The following HLA-DPA1 variants were observed in gnomAD, a reference collection of about 807,000 sequenced individuals.
The protein encoded by HLA-DPA1 is HLA class II histocompatibility antigen, DP alpha 1 chain.
Under a neutral mutation model 21.5 loss-of-function variants are expected in HLA-DPA1, and 20 were observed. The ratio of observed to expected loss-of-function variants is 0.93; its 90% CI spans 0.66 to 1.35. HLA-DPA1 has a LOEUF of 1.35. HLA-DPA1 is among the 40% of genes most tolerant of loss of function. The probability of loss-of-function intolerance (pLI) is 0.00; values close to 1 mark genes in which losing one functional copy is unlikely to be tolerated. For synonymous variants in HLA-DPA1, 123 were observed against 129.6 expected (o/e 0.95, Z 0.35); for missense variants, 279 against 323.0 (o/e 0.86, Z 1.05).
intron 1 of HLA-DPA1, among the ~76,000 whole-genome samples, chr6:33,076,781 T>C (rs569594050): frequency 1.3e-5 from 2 of 152,116 alleles, no homozygotes; most frequent in Admixed American, 6.5e-5. Context: ...ATGACAGGGA[T>C]TGAGTGTAGG....
At chr6:33,067,672 T>A (rs768155010) in intron 5 of HLA-DPA1, 1 of 152,226 alleles carries the variant, frequency 6.6e-6, no homozygotes, top group Non-Finnish European at 1.5e-5. Context: ...CAAAATTAGA[T>A]CTATAATTTA....
Position 33,073,576 on chromosome 6 carries a change from G to C in HLA-DPA1, c.-6C>G, listed in dbSNP as rs142724682. On this transcript the variant is annotated 5_prime_UTR_variant, in exon 2 of 6. Coordinates refer to ENST00000419277, the Ensembl canonical transcript of HLA-DPA1. ...ATTCTGTCTTCAGGGCGCATGTTGT[G>C]GGGTCTATAATTGATGACTGTGAGC... 1.9e-6 allele frequency: 3 copies of C among 1,605,602 alleles called. No homozygotes were observed. The East Asian group carries it at 6.7e-5, about 36-fold the overall frequency.
chr6:33,064,776 A>T (rs1761873865), exon 6 of HLA-DPA1: 1 of 152,246 alleles, frequency 6.6e-6, no homozygotes, highest in Admixed American at 6.5e-5. Flanking sequence ...AACTACATCC[A>T]AGAAAATCTT....
chr6:33,067,586 C>T (rs67225060), intron 5 of HLA-DPA1: 1 of 151,786 alleles, frequency 6.6e-6, no homozygotes, highest in African/African-American at 2.4e-5. Context: ...TCCTTTATAG[C>T]AATGCAAAAT....
chr6:33,070,065 G>T (rs997668795), intron 2 of HLA-DPA1, among the ~76,000 whole-genome samples, 179 bp from the exon 2 acceptor site: 26 of 152,182 alleles, frequency 1.7e-4, no homozygotes, highest in African/African-American at 6.3e-4. Flanking sequence ...CAGAGCAGAT[G>T]AGCAGTTATA....
Position 33,080,621 on chromosome 6 carries a change from G to A in HLA-DPA1, c.-100+59C>T. 1 of 1,609,026 alleles carries A rather than the reference G, an allele frequency of 6.2e-7. No homozygotes were observed. Among genetic ancestry groups the A allele is most frequent in the Non-Finnish European group, 8.5e-7 (1 of 1,176,462 alleles). ...TAATATTGAGAGAGAGAGGGAGAAAGAGGATTAGATGAGAGTGGCGCCTCC... is the reference window on the plus strand; with the variant it reads ...TAATATTGAGAGAGAGAGGGAGAAAAAGGATTAGATGAGAGTGGCGCCTCC... On this transcript the variant is annotated intron_variant, in intron 1 of 5. Transcript: ENST00000419277. This position sits in a 1 kb window ranked among gnomAD's most constrained non-coding sequence, Gnocchi z 4.3.
At chr6:33,067,238 T>C (rs952424889) in intron 5 of HLA-DPA1, 3 of 152,192 alleles carry the variant, frequency 2.0e-5, no homozygotes, top group African/African-American at 4.8e-5. Flanking sequence ...ATGTTGAAAA[T>C]TGATCCCCAG....
chr6:33,079,279 C>T (rs923932890), intron 1 of HLA-DPA1, among the ~76,000 whole-genome samples: 1 of 152,230 alleles, frequency 6.6e-6, no homozygotes, highest in Non-Finnish European at 1.5e-5. Context: ...AAACATGTGC[C>T]GTGTCACTGA....
At chr6:33,074,626 T>A (rs147895448) in intron 1 of HLA-DPA1, among the ~76,000 whole-genome samples, 32 of 152,360 alleles carry the variant, frequency 2.1e-4, no homozygotes, top group African/African-American at 6.5e-4. Flanking sequence ...GTGGTAGCCT[T>A]ACCTTGCATA....
chr6:33,080,563 C>T lies in HLA-DPA1; in HGVS notation c.-100+117G>A, dbSNP rs17214685. ...CTAGGAAAACTCCTATTTTAAAATC[C>T]AGCCCTGGGTGGGAAGATTTGGGAA... On this transcript the variant is annotated intron_variant, in intron 1 of 5. Transcript: ENST00000419277. The surrounding 1 kb of genome is among the most constrained non-coding windows in gnomAD (Gnocchi z 4.3). 9.9e-3 allele frequency: 15,110 copies of T among 1,524,924 alleles called. 203 individuals are homozygous for T. The highest frequency in any genetic ancestry group is 0.064 in the African/African-American group (4,607 of 72,258). The allele number at this position is 1,524,924 out of a possible 1,614,324, so 94.5% of individuals were successfully genotyped here. A position where few individuals can be genotyped will look rare whatever the true frequency, so the allele number is the denominator to read the frequency against.
chr6:33,065,990 T>C (rs1361202940), intron 5 of HLA-DPA1: 1 of 152,202 alleles, frequency 6.6e-6, no homozygotes, highest in African/African-American at 2.4e-5. Flanking sequence ...AAAATATGAT[T>C]TATTACTGAG....
At chr6:33,075,949 A>G in intron 1 of HLA-DPA1, 1 of 911,500 alleles carries the variant, frequency 1.1e-6, no homozygotes, top group East Asian at 2.6e-5. Flanking sequence ...ACTTGGGTTC[A>G]TGGTCTCTAA....
At chr6:33,079,991 A>G in intron 1 of HLA-DPA1, 1 of 224,072 alleles carries the variant, frequency 4.5e-6, no homozygotes, top group Non-Finnish European at 9.0e-6. Context: ...TTCATTGTGT[A>G]AAATACTTTC....
chr6:33,078,947 G>A (rs1398518139), intron 1 of HLA-DPA1, among the ~76,000 whole-genome samples: 3 of 152,142 alleles, frequency 2.0e-5, no homozygotes, highest in African/African-American at 4.8e-5. Flanking sequence ...GAGCTGGGGG[G>A]CTCTGGGCCT....
intron 2 of HLA-DPA1, among the ~76,000 whole-genome samples, chr6:33,070,696 T>C (rs1762233204): frequency 6.6e-6 from 1 of 152,220 alleles, no homozygotes; most frequent in South Asian, 2.1e-4. Context: ...TTGTTTCCTT[T>C]TTAAAAATAT....
At position 33,080,170 on chromosome 6, in the gene HLA-DPA1, G is replaced by C. The variant is rs1017012630; in HGVS notation, c.-100+510C>G. On this transcript the variant is annotated intron_variant, in intron 1 of 5. Transcript: ENST00000419277. This position sits in a 1 kb window ranked among gnomAD's most constrained non-coding sequence, Gnocchi z 4.3. Reference sequence around the variant, plus strand: ...GAGGAATTCTCAAGAAACTGGTCGAGAAGAGAGAGCGCTTAGCTATGGAAA... The same window carrying C: ...GAGGAATTCTCAAGAAACTGGTCGACAAGAGAGAGCGCTTAGCTATGGAAA... 1.3e-5 allele frequency among the ~76,000 whole-genome samples: 2 copies of C among 152,186 alleles called. No homozygotes were observed. The highest frequency in any genetic ancestry group is 1.3e-4 in the Admixed American group (2 of 15,286).
At chr6:33,075,827 T>G (rs1762508059) in intron 1 of HLA-DPA1, 2 of 557,244 alleles carry the variant, frequency 3.6e-6, no homozygotes, top group African/African-American at 1.9e-5. Context: ...AGGCTTTATA[T>G]TTTCAGACCT....
chr6:33,077,549 G>A (rs1762607262), intron 1 of HLA-DPA1, among the ~76,000 whole-genome samples: 1 of 152,136 alleles, frequency 6.6e-6, no homozygotes, highest in Admixed American at 6.5e-5. Context: ...AAAAAGTCAG[G>A]AAACAACAGG....
rs1126513 is a variant in HLA-DPA1, at chr6:33,080,690, G to T, written c.-110C>A. 0.22 allele frequency: 349,481 copies of T among 1,605,462 alleles called. 39,608 individuals are homozygous for T. Among genetic ancestry groups the T allele is most frequent in the South Asian group, 0.29 (26,578 of 90,888 alleles). ...CCCGCAGAGAATTACCTTTTCCAGGGACGGCAGGAATGCTACGCGTTTAAT... is the reference window on the plus strand; with the variant it reads ...CCCGCAGAGAATTACCTTTTCCAGGTACGGCAGGAATGCTACGCGTTTAAT... On this transcript the variant is annotated 5_prime_UTR_variant, in exon 1 of 6. Coordinates refer to ENST00000419277, the Ensembl canonical transcript of HLA-DPA1. The surrounding 1 kb of genome is among the most constrained non-coding windows in gnomAD (Gnocchi z 4.3).
Sources: gnomAD v4.1 joint callset for allele counts (sites outside exome capture counted in the v4.1 genomes callset) on GRCh38, gnomAD v4.1.1 for gene constraint, Gnocchi (gnomAD v3.1) non-coding constraint, MANE v1.5 for transcripts, NCBI Gene and HGNC (gene_info 2026-07-23, HGNC 2026-07-21) for gene names.